STAB2: variants seen among roughly 807,000 people sequenced by gnomAD.
STAB2 encodes the protein stabilin 2.
Under a neutral mutation model 338.1 loss-of-function variants are expected in STAB2, and 288 were observed. The observed-to-expected ratio is 0.85, with a 90% confidence interval of 0.77 to 0.94. The LOEUF (loss-of-function observed/expected upper bound fraction) is 0.94. STAB2 is among the 40% of genes least tolerant of loss of function. The pLI is 0.00. For missense variants in STAB2, 3,141 were observed against 3,210.1 expected (o/e 0.98, Z 0.52); for synonymous variants, 1,202 against 1,193.3 (o/e 1.01, Z -0.15).
chr12:103,660,139 A>G (rs1425805378), intron 15 of STAB2, among the ~76,000 whole-genome samples, 192 bp from the exon 16 acceptor site: 1 of 152,212 alleles, frequency 6.6e-6, no homozygotes, highest in Non-Finnish European at 1.5e-5. Flanking sequence ...ATGCTTTCAA[A>G]ACAGCCTCTT....
rs911204292 is a variant in STAB2, at chr12:103,638,335, C to A, written c.906+123C>A. On this transcript the variant is annotated intron_variant, in intron 8 of 68. Coordinates refer to ENST00000388887, the MANE Select transcript of STAB2 (RefSeq NM_017564.10). Reference sequence around the variant, plus strand: ...TTTCAATGTTCCGCTTGGTCTTCCCCTCCAGACAGTCCTCCATGTGCTCAG... The same window carrying A: ...TTTCAATGTTCCGCTTGGTCTTCCCATCCAGACAGTCCTCCATGTGCTCAG... The A allele has an allele frequency of 1.4e-5, 15 of 1,087,758 alleles. No homozygotes were observed. In the African/African-American group the frequency reaches 2.1e-4, roughly 15 times the overall value. 67.4% of individuals were successfully genotyped at this position (1,087,758 alleles called of 1,614,324 possible). A position where few individuals can be genotyped will look rare whatever the true frequency, so the allele number is the denominator to read the frequency against.
intron 43 of STAB2, among the ~76,000 whole-genome samples, chr12:103,716,137 A>T (rs1880295312): frequency 6.6e-6 from 1 of 152,236 alleles, no homozygotes; most frequent in Non-Finnish European, 1.5e-5. Context: ...TGCAAATACC[A>T]TGTGATTCCA....
At chr12:103,616,162 A>G (rs889268743) in intron 3 of STAB2, among the ~76,000 whole-genome samples, 1 of 152,188 alleles carries the variant, frequency 6.6e-6, no homozygotes, top group Admixed American at 6.5e-5. Context: ...ACACAAGGTC[A>G]CACTCTTGGG....
At chr12:103,697,074 C>G (rs1414694045) in intron 33 of STAB2, among the ~76,000 whole-genome samples, 1 of 152,136 alleles carries the variant, frequency 6.6e-6, no homozygotes, top group Non-Finnish European at 1.5e-5. Context: ...TCCTCACCAC[C>G]TCCTAAATTA....
chr12:103,678,067 C>T (rs1876550527), intron 25 of STAB2, among the ~76,000 whole-genome samples: 2 of 152,178 alleles, frequency 1.3e-5, no homozygotes, highest in Non-Finnish European at 2.9e-5. Flanking sequence ...AAAGAGACAA[C>T]TGATAAGGCT....
At chr12:103,663,636 C>T (rs1176665564) in intron 18 of STAB2, among the ~76,000 whole-genome samples, 1 of 152,168 alleles carries the variant, frequency 6.6e-6, no homozygotes, top group Non-Finnish European at 1.5e-5. Context: ...GCCTGAGCCA[C>T]TGTGTCCTAC....
intron 63 of STAB2, among the ~76,000 whole-genome samples, chr12:103,756,505 C>T (rs550375793): frequency 2.0e-5 from 3 of 152,318 alleles, no homozygotes; most frequent in African/African-American, 7.2e-5. Flanking sequence ...GGACTAAATC[C>T]TCCTGCAACT....
At chr12:103,661,217 CAAAAAAAAAA>C (rs10548393) in intron 17 of STAB2, among the ~76,000 whole-genome samples, 15 of 106,070 alleles carry the variant, frequency 1.4e-4, no homozygotes, top group East Asian at 5.4e-4. Flanking sequence ...GAGTTCCAGA[CAAAAAAAAAA>C]AAAAAAAAAA....
intron 44 of STAB2, among the ~76,000 whole-genome samples, chr12:103,719,097 G>A (rs1282448156): frequency 2.6e-5 from 4 of 152,120 alleles, no homozygotes; most frequent in South Asian, 4.1e-4. Context: ...TGGGCTAGTC[G>A]CCTACTGCTG....
At position 103,717,903 on chromosome 12, in the gene STAB2, A is replaced by G. The variant is rs375414312; in HGVS notation, c.4683+62A>G. 1.8e-4 allele frequency: 289 copies of G among 1,562,366 alleles called. 4 individuals carry two copies. The highest frequency in any genetic ancestry group is 8.4e-4 in the Middle Eastern group (5 of 5,920). On this transcript the variant is annotated intron_variant, in intron 44 of 68. Coordinates refer to ENST00000388887, the MANE Select transcript of STAB2 (RefSeq NM_017564.10). Reference sequence around the variant, plus strand: ...CAGAGCCCAGGGTGCCTCCCACCCCACTTCTCGGGGATGCAGAGTTGAGGA... The same window carrying G: ...CAGAGCCCAGGGTGCCTCCCACCCCGCTTCTCGGGGATGCAGAGTTGAGGA...
At chr12:103,667,556 A>G (rs1582879) in intron 19 of STAB2, among the ~76,000 whole-genome samples, 50,405 of 152,044 alleles carry the variant, frequency 0.33, 9,338 homozygotes, top group East Asian at 0.47. Flanking sequence ...GGGAAAAGAA[A>G]GGGAAATTAG....
chr12:103,747,487 A>T (rs892849457), intron 58 of STAB2, among the ~76,000 whole-genome samples: 1 of 152,108 alleles, frequency 6.6e-6, no homozygotes, highest in Admixed American at 6.5e-5. Flanking sequence ...GGCCAATACC[A>T]TAAGCCCAGC....
chr12:103,686,797 T>A (rs2138888583), intron 27 of STAB2, among the ~76,000 whole-genome samples: 1 of 152,302 alleles, frequency 6.6e-6, no homozygotes, highest in African/African-American at 2.4e-5. Flanking sequence ...CCAGCCCACT[T>A]GTTTTTCTTC....
intron 39 of STAB2, among the ~76,000 whole-genome samples, chr12:103,710,637 G>T (rs1319137685): frequency 6.6e-6 from 1 of 152,230 alleles, no homozygotes; most frequent in Non-Finnish European, 1.5e-5. Context: ...AATAGGTAGA[G>T]AATAGAGAGA....
intron 25 of STAB2, among the ~76,000 whole-genome samples, chr12:103,682,776 C>T (rs552701117): frequency 2.6e-5 from 4 of 152,100 alleles, no homozygotes; most frequent in East Asian, 3.9e-4. Flanking sequence ...GGTGAAACCC[C>T]GTCTGTACTA....
chr12:103,656,945 C>T (rs911876474), intron 15 of STAB2, among the ~76,000 whole-genome samples: 1 of 151,864 alleles, frequency 6.6e-6, no homozygotes, highest in Admixed American at 6.6e-5. Context: ...CTCGGCCTCC[C>T]AAAGTGCTGG....
chr12:103,670,209 A>G (rs1875623273), intron 21 of STAB2, among the ~76,000 whole-genome samples: 1 of 152,198 alleles, frequency 6.6e-6, no homozygotes, highest in African/African-American at 2.4e-5. Context: ...GGGAGAGGCC[A>G]GTACAAATGA....
chr12:103,649,520 C>T (rs1873581508), intron 10 of STAB2, among the ~76,000 whole-genome samples: 1 of 152,192 alleles, frequency 6.6e-6, no homozygotes. Context: ...AAGTAAAACA[C>T]AGACTTGGCC....
intron 2 of STAB2, among the ~76,000 whole-genome samples, chr12:103,592,694 C>G (rs1956818157): frequency 6.6e-6 from 1 of 152,150 alleles, no homozygotes; most frequent in African/African-American, 2.4e-5. Context: ...TCTCCCCCCT[C>G]TTTTTTGTGA....
Sources: allele counts gnomAD v4.1 joint callset (sites outside exome capture counted in the v4.1 genomes callset), GRCh38; gene constraint gnomAD v4.1.1; transcripts MANE v1.5; gene names NCBI Gene and HGNC (gene_info 2026-07-23, HGNC 2026-07-21).